Variants in TJP3 observed in about 807,000 individuals in gnomAD.
TJP3 encodes tight junction protein ZO-3.
TJP3 carries 85 observed loss-of-function variants against 104.2 expected under a neutral mutation model. The observed-to-expected ratio is 0.82, with a 90% CI of 0.68 to 0.98. The LOEUF is 0.98. Among genes scored for constraint, TJP3 ranks in the 50% least tolerant of loss-of-function variants. The pLI, the probability that TJP3 is intolerant of heterozygous loss-of-function variation, is 0.00. For missense variants in TJP3, 1,367 were observed against 1,322.8 expected (o/e 1.03, Z -0.52); for synonymous variants, 550 against 550.6 (o/e 1.00, Z 0.02).
chr19:3,736,407 T>G (rs1321806070), intron 11 of TJP3, 86 bp downstream of exon 11: 1 of 1,320,396 alleles, frequency 7.6e-7, no homozygotes, highest in Non-Finnish European at 9.9e-7. Context: ...GTCCTCCCCT[T>G]GGGTCCACCT....
At chr19:3,715,366 G>A (rs925292884) in intron 1 of TJP3, among the ~76,000 whole-genome samples, 1 of 152,172 alleles carries the variant, frequency 6.6e-6, no homozygotes, top group Non-Finnish European at 1.5e-5. Flanking sequence ...TGGGATTACA[G>A]GTGTGAGCCA....
In TJP3 at chr19:3,740,818, C is replaced by T. The variant is rs1455815075; in HGVS notation, c.1843+55C>T. On this transcript the variant is annotated intron_variant, in intron 14 of 20. Coordinates refer to ENST00000541714, the MANE Select transcript of TJP3 (RefSeq NM_001267560.2). ...GAGGCCTCACACACAGCTCCTGGTG[C>T]ACCTGTTCACTAACATTCAGCCTCT... The T allele has an allele frequency of 9.0e-6, 13 of 1,437,600 alleles. 1 individual carries two copies. In the Admixed American group the frequency reaches 2.7e-4, roughly 30 times the overall value. The allele number at this position is 1,437,600 out of a possible 1,614,324, so 89.1% of individuals were successfully genotyped here. A position where few individuals can be genotyped will look rare whatever the true frequency, so the allele number is the denominator to read the frequency against.
Position 3,750,416 on chromosome 19 carries a change from CT to C in TJP3, c.2658-163del, listed in dbSNP as rs1164745290. 1.1e-4 allele frequency among the ~76,000 whole-genome samples: 16 copies of C among 152,204 alleles called. 1 individual carries two copies. In the East Asian group the frequency reaches 2.9e-3, roughly 28 times the overall value. On this transcript the variant is annotated intron_variant, in intron 20 of 20. Coordinates refer to ENST00000541714, the MANE Select transcript of TJP3 (RefSeq NM_001267560.2). ...GAAGGGCAGGATATTGCAGCTGGGGCTTTGAGGGATGCATAGGAGTTTGTTA... is the reference window on the plus strand; with the variant it reads ...GAAGGGCAGGATATTGCAGCTGGGGCTTGAGGGATGCATAGGAGTTTGTTA...
intron 13 of TJP3, 145 bp downstream of exon 13, chr19:3,739,279 C>G (rs2036780415): frequency 4.6e-6 from 3 of 648,774 alleles, no homozygotes; most frequent in Non-Finnish European, 7.3e-6. Flanking sequence ...ATCATGAGGT[C>G]AAGAGATCGA....
rs1398335698 is a variant in TJP3 at position 3,743,699 on chromosome 19, C to CT, written c.1844-238dup. On this transcript the variant is annotated intron_variant, in intron 14 of 20. Coordinates refer to ENST00000541714, the MANE Select transcript of TJP3 (RefSeq NM_001267560.2). ...GGCAGGAGAGGGGCTTATTCCTGCCCTTGAAGGCGGAACCCAGAAATGTAC... is the reference window on the plus strand; with the variant it reads ...GGCAGGAGAGGGGCTTATTCCTGCCCTTTGAAGGCGGAACCCAGAAATGTAC... 1.0e-4 allele frequency: 46 copies of CT among 448,396 alleles called. 1 individual carries two copies. In the East Asian group the frequency reaches 1.7e-3, roughly 17 times the overall value. The allele number at this position is 448,396 out of a possible 1,614,324, so 27.8% of individuals were successfully genotyped here. A position where few individuals can be genotyped will look rare whatever the true frequency, so the allele number is the denominator to read the frequency against.
chr19:3,728,146 A>G (rs181044617), intron 1 of TJP3, among the ~76,000 whole-genome samples: 287 of 152,038 alleles, frequency 1.9e-3, no homozygotes, highest in African/African-American at 6.9e-3. Context: ...AGGCTGAGGC[A>G]GGAGAATCGC....
intron 14 of TJP3, 198 bp from the exon 15 acceptor site, chr19:3,743,741 T>C (rs1355487098): frequency 7.2e-6 from 4 of 552,146 alleles, no homozygotes; most frequent in Admixed American, 6.6e-5. Context: ...ATTCTGCTAG[T>C]GTTCCATTGG....
intron 6 of TJP3, 37 bp downstream of exon 6, chr19:3,732,075 A>G (rs1277509154): frequency 3.2e-6 from 5 of 1,584,818 alleles, no homozygotes; most frequent in Non-Finnish European, 4.3e-6. Flanking sequence ...GCAGGGAGAC[A>G]AGGCAGGGTT....
chr19:3,739,189 C>A, intron 13 of TJP3, 55 bp downstream of exon 13: 20 of 1,452,310 alleles, frequency 1.4e-5, no homozygotes, highest in Non-Finnish European at 1.8e-5. Flanking sequence ...TCAGTCTCCC[C>A]GTTAGAAATG....
rs1432149603 is a variant in TJP3 at position 3,747,913 on chromosome 19, C to G, written c.2442C>G (p.Gly814=). 6.2e-7 allele frequency: 1 copy of G among 1,613,196 alleles called. No homozygotes were observed. The highest frequency in any genetic ancestry group is 8.5e-7 in the Non-Finnish European group (1 of 1,179,918). Residue 814 remains glycine, a synonymous_variant, in exon 19 of 21, where the codon GGC becomes GGG. Transcript: ENST00000541714. ...NSDYETDGEG[G]AYTDGEGYTD... ...ACTACGAGACGGACGGCGAGGGCGGCGCGTACACGGATGGCGAGGGCTACA... is the reference window on the plus strand; with the variant it reads ...ACTACGAGACGGACGGCGAGGGCGGGGCGTACACGGATGGCGAGGGCTACA...
intron 1 of TJP3, among the ~76,000 whole-genome samples, chr19:3,713,296 G>A (rs981906564): frequency 4.6e-5 from 7 of 152,118 alleles, no homozygotes; most frequent in African/African-American, 1.7e-4. Flanking sequence ...CTCTCCACAC[G>A]GCTTCCTTAA....
intron 1 of TJP3, among the ~76,000 whole-genome samples, chr19:3,718,613 C>T (rs1284387357): frequency 1.3e-5 from 2 of 151,634 alleles, no homozygotes; most frequent in Non-Finnish European, 1.5e-5. Context: ...GGACTACAGA[C>T]GTGCGCCACC....
In TJP3 at chr19:3,750,777, C is replaced by A; in HGVS notation, c.*93C>A. The A allele has an allele frequency of 1.7e-6, 2 of 1,154,180 alleles. No individual in the cohort carries two copies. Among genetic ancestry groups the A allele is most frequent in the Non-Finnish European group, 2.5e-6 (2 of 793,524 alleles). 71.5% of individuals were successfully genotyped at this position (1,154,180 alleles called of 1,614,324 possible). A position where few individuals can be genotyped will look rare whatever the true frequency, so the allele number is the denominator to read the frequency against. On this transcript the variant is annotated 3_prime_UTR_variant, in exon 21 of 21. Coordinates refer to ENST00000541714, the MANE Select transcript of TJP3 (RefSeq NM_001267560.2). Reference sequence around the variant, plus strand: ...ACAGAACCCACAACCTTACCTCCCTCCGCCTGGTCTTTAATAAACAGAGTA... The same window carrying A: ...ACAGAACCCACAACCTTACCTCCCTACGCCTGGTCTTTAATAAACAGAGTA...
rs527952706 is a variant in TJP3 at position 3,714,715 on chromosome 19, G to A, written c.-10+6154G>A. Reference sequence around the variant, plus strand: ...GAGGTCAGAGTTCGAGACCATCCTGGCCCTGATCCACTGGGGGACCTCAGC... The same window carrying A: ...GAGGTCAGAGTTCGAGACCATCCTGACCCTGATCCACTGGGGGACCTCAGC... On this transcript the variant is annotated intron_variant, in intron 1 of 20. Transcript: ENST00000541714. 3.7e-3 allele frequency among the ~76,000 whole-genome samples: 557 copies of A among 152,144 alleles called. 4 individuals carry two copies. Among genetic ancestry groups the A allele is most frequent in the Non-Finnish European group, 6.7e-3 (455 of 67,994 alleles).
At position 3,736,229 on chromosome 19, in the gene TJP3, G is replaced by C. The variant is rs966427175; in HGVS notation, c.1192G>C (p.Gly398Arg). ...KGKSIGLRLA[G>R]GNDVGIFVSG... Reference sequence around the variant, plus strand: ...CAAGAGCATCGGGCTGCGGCTGGCAGGGGGCAATGACGTGGGCATCTTCGT... The same window carrying C: ...CAAGAGCATCGGGCTGCGGCTGGCACGGGGCAATGACGTGGGCATCTTCGT... The change falls in exon 11 of 21, where the codon GGG becomes CGG. Residue 398 changes from glycine (G) to arginine (R), a missense_variant. By Grantham distance (125) the Gly-to-Arg change is moderately radical. Transcript: ENST00000541714. 12 of 1,591,964 alleles carry C rather than the reference G, an allele frequency of 7.5e-6. No individual in the cohort carries two copies. The highest frequency in any genetic ancestry group is 8.6e-6 in the Non-Finnish European group (10 of 1,169,026).
Position 3,730,133 on chromosome 19 carries a change from G to A in TJP3, c.261+3G>A. The A allele has an allele frequency of 6.2e-7, 1 of 1,613,920 alleles. No individual in the cohort carries two copies. Among genetic ancestry groups the A allele is most frequent in the Non-Finnish European group, 8.5e-7 (1 of 1,179,830 alleles). On this transcript the variant is annotated splice_donor_region_variant and intron_variant, in intron 4 of 20. Coordinates refer to ENST00000541714, the MANE Select transcript of TJP3 (RefSeq NM_001267560.2). This position sits in a 1 kb window ranked among gnomAD's most constrained non-coding sequence, Gnocchi z 7.3. ...CCTGCACCAAGATGGCCAACATCGTGAGTAGGCAGCCCCTGGCATGGCCAG... is the reference window on the plus strand; with the variant it reads ...CCTGCACCAAGATGGCCAACATCGTAAGTAGGCAGCCCCTGGCATGGCCAG...
At chr19:3,712,273 A>C (rs936582126) in intron 1 of TJP3, among the ~76,000 whole-genome samples, 57 of 152,130 alleles carry the variant, frequency 3.7e-4, no homozygotes, top group Non-Finnish European at 6.6e-4. Flanking sequence ...CCGGGATCGC[A>C]CCACTGCACT....
At chr19:3,715,996 C>A (rs920586440) in intron 1 of TJP3, among the ~76,000 whole-genome samples, 1 of 151,928 alleles carries the variant, frequency 6.6e-6, no homozygotes, top group Non-Finnish European at 1.5e-5. Context: ...CCAGGCTGGT[C>A]TCGAACTCCT....
chr19:3,727,231 C>T (rs2036607600), intron 1 of TJP3, among the ~76,000 whole-genome samples: 1 of 152,070 alleles, frequency 6.6e-6, no homozygotes, highest in African/African-American at 2.4e-5. Flanking sequence ...TGCCTGTAAT[C>T]CCAGCACTTT....
Sources: allele counts gnomAD v4.1 joint callset (sites outside exome capture counted in the v4.1 genomes callset), GRCh38; gene constraint gnomAD v4.1.1; non-coding constraint Gnocchi (gnomAD v3.1); transcripts MANE v1.5; gene names NCBI Gene and HGNC (gene_info 2026-07-23, HGNC 2026-07-21).